The following EXT1 variants were observed in gnomAD, a reference collection of about 807,000 sequenced individuals.
The protein encoded by EXT1 is exostosin-1.
A neutral mutation model predicts 82.5 loss-of-function variants in EXT1; 20 were observed. The ratio of observed to expected loss-of-function variants is 0.24; its 90% CI spans 0.17 to 0.35. The LOEUF (loss-of-function observed/expected upper bound fraction) is 0.35, where lower values mean the gene tolerates loss of function less well. EXT1 is among the 10% of genes least tolerant of loss of function. The pLI, the probability that EXT1 is intolerant of heterozygous loss-of-function variation, is 1.00. For missense variants in EXT1, 757 were observed against 936.5 expected (o/e 0.81, Z 2.50); for synonymous variants, 348 against 350.8 (o/e 0.99, Z 0.09).
At chr8:117,926,194 A>G (rs994803452) in intron 1 of EXT1, among the ~76,000 whole-genome samples, 81 of 152,190 alleles carry the variant, frequency 5.3e-4, no homozygotes, top group African/African-American at 1.8e-3. Flanking sequence ...TGTCATGGGG[A>G]ACTTTGATAT....
intron 1 of EXT1, among the ~76,000 whole-genome samples, chr8:117,937,454 G>A (rs1397379661): frequency 6.6e-6 from 1 of 152,172 alleles, no homozygotes; most frequent in East Asian, 1.9e-4. Flanking sequence ...CAATTCAAAT[G>A]GAATTTTGCT....
chr8:117,796,086 G>A lies in EXT1; in HGVS notation c.*3626C>T, dbSNP rs1011703308. ...AAATGAATTCAGCAACTGCGGTCCT[G>A]ATGTACTGGCTGCATGTTGATTATA... On this transcript the variant is annotated 3_prime_UTR_variant, in exon 11 of 11. Transcript: ENST00000378204. 1.3e-5 allele frequency: 2 copies of A among 152,176 alleles called. No individual in the cohort carries two copies. The highest frequency in any genetic ancestry group is 6.5e-5 in the Admixed American group (1 of 15,282). 9.4% of individuals were successfully genotyped at this position (152,176 alleles called of 1,614,324 possible). A position where few individuals can be genotyped will look rare whatever the true frequency, so the allele number is the denominator to read the frequency against.
chr8:118,033,689 T>C (rs1020219579), intron 1 of EXT1, among the ~76,000 whole-genome samples: 2 of 152,060 alleles, frequency 1.3e-5, no homozygotes, highest in African/African-American at 4.8e-5. Flanking sequence ...TGTGTTGCCC[T>C]GATTGGTCTC....
rs780332809 is a variant in EXT1, at chr8:118,008,923, T to C, written c.962+101162A>G. On this transcript the variant is annotated intron_variant, in intron 1 of 10. Coordinates refer to ENST00000378204, the MANE Select transcript of EXT1 (RefSeq NM_000127.3). Reference sequence around the variant, plus strand: ...AACCAGGTAAATCCTCAGCAAGTGTTAGATGTGATTGCTATTATGAAATGG... The same window carrying C: ...AACCAGGTAAATCCTCAGCAAGTGTCAGATGTGATTGCTATTATGAAATGG... 1.3e-4 allele frequency among the ~76,000 whole-genome samples: 20 copies of C among 152,212 alleles called. 1 individual carries two copies. Among genetic ancestry groups the C allele is most frequent in the Non-Finnish European group, 2.1e-4 (14 of 68,042 alleles).
At chr8:118,043,983 A>G (rs1644993648) in intron 1 of EXT1, among the ~76,000 whole-genome samples, 1 of 152,222 alleles carries the variant, frequency 6.6e-6, no homozygotes, top group Non-Finnish European at 1.5e-5. Flanking sequence ...AAGTCAATAT[A>G]TACCTTATTT....
rs1342435106 is a variant in EXT1 at position 118,003,418 on chromosome 8, AAAAAG to A, written c.962+106662_962+106666del. ...CTATTGAAATAAAAAAAAATTAAAA[AAAAAG>A]AAATTAGATTTTTCTAATTCCTGGC... On this transcript the variant is annotated intron_variant, in intron 1 of 10. Transcript: ENST00000378204. Among the ~76,000 whole-genome samples the A allele has an allele frequency of 4.6e-5, 7 of 152,282 alleles. No individual in the cohort carries two copies. In the South Asian group the frequency reaches 1.0e-3, roughly 23 times the overall value.
intron 1 of EXT1, among the ~76,000 whole-genome samples, chr8:117,943,700 T>C (rs1411993860): frequency 6.6e-6 from 1 of 152,250 alleles, no homozygotes; most frequent in African/African-American, 2.4e-5. Flanking sequence ...AATTTTGCCA[T>C]TGATATTACA....
chr8:117,909,927 C>A (rs955398353), intron 1 of EXT1, among the ~76,000 whole-genome samples: 3 of 152,182 alleles, frequency 2.0e-5, no homozygotes, highest in Admixed American at 6.5e-5. Context: ...ACTGCCATGC[C>A]CAGCTAATTT....
At chr8:118,004,191 T>C (rs1266828144) in intron 1 of EXT1, among the ~76,000 whole-genome samples, 1 of 152,228 alleles carries the variant, frequency 6.6e-6, no homozygotes, top group African/African-American at 2.4e-5. Flanking sequence ...TGTTTAAATT[T>C]TCTGTCCTCC....
At chr8:117,977,679 C>T (rs1035689910) in intron 1 of EXT1, among the ~76,000 whole-genome samples, 2 of 152,148 alleles carry the variant, frequency 1.3e-5, no homozygotes, top group Non-Finnish European at 2.9e-5. Context: ...GCTGGGGTGT[C>T]CCTCAGTTGG....
At chr8:117,809,712 C>G (rs17503110) in intron 8 of EXT1, among the ~76,000 whole-genome samples, 1 of 151,554 alleles carries the variant, frequency 6.6e-6, no homozygotes, top group Non-Finnish European at 1.5e-5. Flanking sequence ...GTAGGGAGCA[C>G]GTTATCTCAA....
At chr8:117,893,323 C>T (rs1045696149) in intron 1 of EXT1, among the ~76,000 whole-genome samples, 2 of 152,208 alleles carry the variant, frequency 1.3e-5, no homozygotes, top group Admixed American at 6.5e-5. Context: ...AATCTATCAA[C>T]AGATGAGGCA....
chr8:117,939,520 G>C (rs1433515796), intron 1 of EXT1, among the ~76,000 whole-genome samples: 1 of 143,706 alleles, frequency 7.0e-6, no homozygotes, highest in Admixed American at 7.4e-5. Flanking sequence ...AGTAAGCCAA[G>C]ATTGCACCAC....
chr8:118,033,124 GGCCAGTCTACATAT>G (rs1816361615), intron 1 of EXT1, among the ~76,000 whole-genome samples: 1 of 152,118 alleles, frequency 6.6e-6, no homozygotes, highest in African/African-American at 2.4e-5. Context: ...TCTTATACTA[GGCCAGTCTACATAT>G]TTGTAAAGCC....
chr8:117,911,818 C>G (rs1384815130), intron 1 of EXT1, among the ~76,000 whole-genome samples: 1 of 152,180 alleles, frequency 6.6e-6, no homozygotes, highest in Non-Finnish European at 1.5e-5. Flanking sequence ...TATTCTAGTA[C>G]TTAGCTTGAT....
chr8:118,079,129 T>TA (rs1196558037), intron 1 of EXT1, among the ~76,000 whole-genome samples: 8 of 152,170 alleles, frequency 5.3e-5, no homozygotes, highest in African/African-American at 1.9e-4. Context: ...ATCAGGAAAA[T>TA]AGTCATCAAA....
intron 1 of EXT1, among the ~76,000 whole-genome samples, chr8:118,024,437 T>C (rs761063271): frequency 6.6e-6 from 1 of 152,130 alleles, no homozygotes; most frequent in Non-Finnish European, 1.5e-5. Context: ...CAGCCAGCCA[T>C]TTGTTTTTCA....
At chr8:117,880,189 C>A (rs775982864) in intron 1 of EXT1, among the ~76,000 whole-genome samples, 15 of 152,212 alleles carry the variant, frequency 9.9e-5, no homozygotes, top group Non-Finnish European at 2.1e-4. Context: ...TAAGTTACAA[C>A]ATGTGTGTAG....
At chr8:117,972,428 C>T (rs1814961531) in intron 1 of EXT1, among the ~76,000 whole-genome samples, 1 of 152,122 alleles carries the variant, frequency 6.6e-6, no homozygotes, top group South Asian at 2.1e-4. Flanking sequence ...AGGTCAATTG[C>T]TAGACAACAG....
Sources: gnomAD v4.1 joint callset for allele counts (sites outside exome capture counted in the v4.1 genomes callset) on GRCh38, gnomAD v4.1.1 for gene constraint, MANE v1.5 for transcripts, NCBI Gene and HGNC (gene_info 2026-07-23, HGNC 2026-07-21) for gene names.